Variants in CCDC30 observed in about 807,000 individuals in gnomAD.
CCDC30 encodes the protein coiled-coil domain-containing protein 30.
In CCDC30, 70 loss-of-function variants were observed where a neutral mutation model predicts 100.2. That is an observed-to-expected ratio of 0.70 (90% CI 0.58 to 0.85). CCDC30 has a LOEUF of 0.85. Ranked by LOEUF, CCDC30 falls within the 40% of genes least tolerant of loss-of-function variation. The pLI, the probability that CCDC30 is intolerant of heterozygous loss-of-function variation, is 0.00. For missense variants in CCDC30, 652 were observed against 771.2 expected (o/e 0.85, Z 1.83); for synonymous variants, 233 against 269.5 (o/e 0.86, Z 1.33).
At chr1:42,481,339 G>A (rs1412800328) in intron 2 of CCDC30, among the ~76,000 whole-genome samples, 1 of 151,900 alleles carries the variant, frequency 6.6e-6, no homozygotes, top group Admixed American at 6.6e-5. Flanking sequence ...ACTTTGGGAG[G>A]CCAAGGCAGA....
intron 10 of CCDC30, among the ~76,000 whole-genome samples, chr1:42,610,181 G>A (rs577896855): frequency 1.3e-5 from 2 of 152,244 alleles, no homozygotes; most frequent in East Asian, 3.9e-4. Context: ...GTCTTCCAAA[G>A]TACTTCATTA....
intron 6 of CCDC30, among the ~76,000 whole-genome samples, chr1:42,553,973 G>A (rs1371699861): frequency 6.6e-6 from 1 of 151,752 alleles, no homozygotes; most frequent in Non-Finnish European, 1.5e-5. Flanking sequence ...TTCCTTTCCA[G>A]CTTTTTCTAG....
intron 1 of CCDC30, among the ~76,000 whole-genome samples, chr1:42,479,040 C>G (rs1262760467): frequency 6.6e-6 from 1 of 152,082 alleles, no homozygotes; most frequent in Non-Finnish European, 1.5e-5. Context: ...ACTAACACTT[C>G]CTGATTTCAA....
chr1:42,528,357 T>C lies in CCDC30; in HGVS notation c.456+29441T>C, dbSNP rs79610446. 1.3e-4 allele frequency among the ~76,000 whole-genome samples: 20 copies of C among 152,336 alleles called. 1 individual carries two copies. In the East Asian group the frequency reaches 3.9e-3, roughly 29 times the overall value. The stretch of plus-strand genomic sequence containing the variant: ...CAATTGTGGCCCACACCTTGCTCTG[T>C]CATTCATATATCCGTGTGAAGGAGG... On this transcript the variant is annotated intron_variant, in intron 6 of 16. Transcript: ENST00000668663.
chr1:42,626,378 C>G (rs1209885851), intron 11 of CCDC30, among the ~76,000 whole-genome samples: 2 of 152,132 alleles, frequency 1.3e-5, no homozygotes, highest in East Asian at 3.8e-4. Context: ...TAAGTAAGGA[C>G]TTAATACTCC....
chr1:42,566,534 A>C (rs372159085), intron 7 of CCDC30, 59 bp downstream of exon 11: 2 of 1,378,990 alleles, frequency 1.5e-6, no homozygotes, highest in East Asian at 4.6e-5. Context: ...GGAATAAACG[A>C]ATCTAAGTTC....
chr1:42,620,326 ACTCCTGTGGCACGTTT>A (rs1646806409), intron 11 of CCDC30, among the ~76,000 whole-genome samples: 1 of 151,864 alleles, frequency 6.6e-6, no homozygotes, highest in African/African-American at 2.4e-5. Context: ...TCTGCAACAA[ACTCCTGTGGCACGTTT>A]TGACCTGTGT....
chr1:42,583,849 A>G (rs542886287), intron 9 of CCDC30, among the ~76,000 whole-genome samples: 27 of 152,360 alleles, frequency 1.8e-4, no homozygotes, highest in African/African-American at 6.3e-4. Context: ...GTAAAGTGGA[A>G]GAGCAACAAG....
chr1:42,557,312 C>T (rs1376203105), intron 6 of CCDC30, among the ~76,000 whole-genome samples: 3 of 152,162 alleles, frequency 2.0e-5, no homozygotes, highest in East Asian at 1.9e-4. Flanking sequence ...GATTTAGATA[C>T]ACCTGTGAAA....
chr1:42,509,733 C>G (rs1190592660), intron 6 of CCDC30, among the ~76,000 whole-genome samples: 3 of 152,156 alleles, frequency 2.0e-5, no homozygotes, highest in African/African-American at 7.2e-5. Flanking sequence ...ACACACAATG[C>G]ACACTAGACT....
intron 2 of CCDC30, 137 bp downstream of exon 2, chr1:42,480,703 C>T: frequency 7.6e-6 from 6 of 794,448 alleles, no homozygotes; most frequent in Non-Finnish European, 9.2e-6. Flanking sequence ...CATCAAGAAC[C>T]TGTGTAACAG....
chr1:42,595,027 T>G (rs1309495887), intron 10 of CCDC30: 1 of 151,928 alleles, frequency 6.6e-6, no homozygotes, highest in African/African-American at 2.4e-5. Flanking sequence ...TGTTTTTTTT[T>G]TTCAGATTGG....
intron 1 of CCDC30, among the ~76,000 whole-genome samples, chr1:42,465,814 A>G (rs532551830): frequency 1.6e-4 from 24 of 152,296 alleles, no homozygotes; most frequent in African/African-American, 5.3e-4. Context: ...TCCATATCTT[A>G]ATATGCACAG....
At chr1:42,530,842 C>T (rs1301273427) in intron 6 of CCDC30, among the ~76,000 whole-genome samples, 1 of 152,076 alleles carries the variant, frequency 6.6e-6, no homozygotes, top group Non-Finnish European at 1.5e-5. Context: ...GAACCAATCT[C>T]CCTCAGATAT....
At chr1:42,540,503 G>A (rs1046398948) in intron 6 of CCDC30, among the ~76,000 whole-genome samples, 6 of 151,986 alleles carry the variant, frequency 3.9e-5, no homozygotes, top group African/African-American at 1.5e-4. Context: ...GGTAATCTGG[G>A]TCTCCTTTTT....
At chr1:42,621,948 GT>G (rs1557463440) in intron 11 of CCDC30, among the ~76,000 whole-genome samples, 1 of 152,002 alleles carries the variant, frequency 6.6e-6, no homozygotes, top group East Asian at 1.9e-4. Context: ...CAACTGGTCT[GT>G]TTCTTTAGTT....
intron 6 of CCDC30, among the ~76,000 whole-genome samples, chr1:42,528,526 A>G (rs1444600888): frequency 6.6e-6 from 1 of 152,180 alleles, no homozygotes; most frequent in East Asian, 1.9e-4. Flanking sequence ...GTTAAATGAG[A>G]GGGAGAAAGA....
intron 6 of CCDC30, among the ~76,000 whole-genome samples, chr1:42,539,934 GA>G (rs1394180066): frequency 7.0e-6 from 1 of 143,590 alleles, no homozygotes; most frequent in African/African-American, 2.6e-5. Context: ...AAAAAAAAAA[GA>G]AAAGGCTACC....
At chr1:42,633,548 G>C (rs1647082560) in intron 11 of CCDC30, among the ~76,000 whole-genome samples, 1 of 152,084 alleles carries the variant, frequency 6.6e-6, no homozygotes, top group Non-Finnish European at 1.5e-5. Flanking sequence ...GGACTTAAGA[G>C]GTTTTTTTGT....
Sources: gnomAD v4.1 joint callset for allele counts (sites outside exome capture counted in the v4.1 genomes callset) on GRCh38, gnomAD v4.1.1 for gene constraint, MANE v1.5 for transcripts, NCBI Gene and HGNC (gene_info 2026-07-23, HGNC 2026-07-21) for gene names.